Variants in CFAP251 observed in about 807,000 individuals in gnomAD.
CFAP251 encodes the protein cilia and flagella associated protein 251, also known as cilia- and flagella-associated protein 251.
In CFAP251, 93 loss-of-function variants were observed where a neutral mutation model predicts 126.7. The observed-to-expected ratio is 0.73, with a 90% CI of 0.62 to 0.87. CFAP251 has a LOEUF of 0.87. CFAP251 is among the 40% of genes least tolerant of loss of function. The probability of loss-of-function intolerance (pLI) is 0.00; values close to 1 mark genes in which losing one functional copy is unlikely to be tolerated. For synonymous variants in CFAP251, 503 were observed against 506.9 expected (o/e 0.99, Z 0.10); for missense variants, 1,287 against 1,389.2 (o/e 0.93, Z 1.17).
chr12:121,924,624 A>AT (rs1427676327), intron 3 of CFAP251, among the ~76,000 whole-genome samples: 1 of 147,942 alleles, frequency 6.8e-6, no homozygotes, highest in Non-Finnish European at 1.5e-5. Context: ...TAGAGATGGG[A>AT]TTTCACCATG....
rs1179341085 is a variant in CFAP251, at chr12:121,993,579, C to T, written c.3007-6137C>T. Among the ~76,000 whole-genome samples the T allele has an allele frequency of 9.8e-5, 14 of 142,148 alleles. No individual in the cohort carries two copies. In the East Asian group the frequency reaches 2.9e-3, roughly 30 times the overall value. The allele number at this position is 142,148 out of a possible 152,430, so 93.3% of individuals were successfully genotyped here. On this transcript the variant is annotated intron_variant, in intron 19 of 21. Transcript: ENST00000288912. ...GAAGTGAGGAGCGTCTCTGCCCGGCCGCCCATCGTCTGAGATGTGGGGAGC... is the reference window on the plus strand; with the variant it reads ...GAAGTGAGGAGCGTCTCTGCCCGGCTGCCCATCGTCTGAGATGTGGGGAGC...
intron 19 of CFAP251, among the ~76,000 whole-genome samples, chr12:121,977,532 C>T (rs528483505): frequency 1.3e-4 from 20 of 152,126 alleles, no homozygotes; most frequent in South Asian, 8.3e-4. Flanking sequence ...TGGTGGCGCA[C>T]GCCTGTAGTC....
chr12:121,920,189 GAAA>G (rs1166354917), intron 1 of CFAP251, among the ~76,000 whole-genome samples: 2 of 62,642 alleles, frequency 3.2e-5, no homozygotes, highest in Admixed American at 1.7e-4. Flanking sequence ...TGTCTCAAGA[GAAA>G]AAAAAAAAAA....
rs1882257778 is a variant in CFAP251 at position 121,969,345 on chromosome 12, G to C, written c.2771+1176G>C. ...AGAGAGCAGATCTTGGGAACTTGAG[G>C]ATTTAGGAGCTGGAGGTGAACTCTC... is the stretch of plus-strand genomic sequence containing the variant. On this transcript the variant is annotated intron_variant, in intron 17 of 21. Transcript: ENST00000288912. 5 of 985,304 alleles carry C rather than the reference G, an allele frequency of 5.1e-6. No individual in the cohort carries two copies. In the Admixed American group the frequency reaches 3.1e-4, roughly 61 times the overall value. 61.0% of individuals were successfully genotyped at this position (985,304 alleles called of 1,614,324 possible).
At chr12:121,957,342 G>A in intron 11 of CFAP251, 74 bp downstream of exon 11, 1 of 1,418,080 alleles carries the variant, frequency 7.1e-7, no homozygotes. Context: ...GCATACAGTG[G>A]GAGGTTCGTG....
At chr12:121,942,831 G>C in intron 6 of CFAP251, 64 bp from the exon 7 acceptor site, 1 of 1,567,296 alleles carries the variant, frequency 6.4e-7, no homozygotes, top group South Asian at 1.1e-5. Flanking sequence ...ACCACAAGAG[G>C]TGTAAGTTAC....
At chr12:121,956,995 C>A in intron 10 of CFAP251, 79 bp from the exon 11 acceptor site, 1 of 1,143,012 alleles carries the variant, frequency 8.7e-7, no homozygotes, top group South Asian at 2.0e-5. Flanking sequence ...AATCCAGAGC[C>A]TGACATATAA....
chr12:121,964,833 A>C (rs1024566532), intron 15 of CFAP251, among the ~76,000 whole-genome samples: 3 of 152,122 alleles, frequency 2.0e-5, no homozygotes, highest in African/African-American at 7.2e-5. Context: ...CGGGAGGTGG[A>C]AGTTGCAGTG....
At chr12:121,991,222 C>G (rs567251701) in intron 19 of CFAP251, among the ~76,000 whole-genome samples, 40 of 152,304 alleles carry the variant, frequency 2.6e-4, no homozygotes, top group Admixed American at 9.8e-4. Flanking sequence ...CTCTGAGCCT[C>G]TATAATGTGC....
intron 18 of CFAP251, 53 bp downstream of exon 18, chr12:121,975,387 A>G (rs1882432337): frequency 6.3e-7 from 1 of 1,586,822 alleles, no homozygotes; most frequent in Admixed American, 1.7e-5. Flanking sequence ...AAGTTTGTAA[A>G]GCAAATGTGC....
chr12:121,958,486 G>A lies in CFAP251; in HGVS notation c.1945G>A (p.Gly649Arg), dbSNP rs1335233460. 1 of 1,614,184 alleles carries A rather than the reference G, an allele frequency of 6.2e-7. No individual in the cohort carries two copies. Among genetic ancestry groups the A allele is most frequent in the Admixed American group, 1.7e-5 (1 of 60,024 alleles). ...QYLFSRVFEK[G>R]LGVQSLTYNP... is the part of the protein sequence containing the mutation. ...TCTTTTCAGCAGGGTTTTTGAGAAG[G>A]GGCTTGGAGTCCAGAGTCTGACCTA... Residue 649 changes from glycine to arginine, a missense_variant, in exon 12 of 22, where the codon GGG (glycine) becomes AGG (arginine). Coordinates refer to ENST00000288912, the MANE Select transcript of CFAP251 (RefSeq NM_144668.6).
chr12:121,952,460 G>A (rs1488392664), intron 9 of CFAP251, among the ~76,000 whole-genome samples: 1 of 151,672 alleles, frequency 6.6e-6, no homozygotes, highest in Non-Finnish European at 1.5e-5. Context: ...AAGTAAAGTC[G>A]TTGAACATGA....
At chr12:121,957,636 G>A (rs1042869518) in intron 11 of CFAP251, among the ~76,000 whole-genome samples, 2 of 150,964 alleles carry the variant, frequency 1.3e-5, no homozygotes, top group African/African-American at 4.9e-5. Context: ...CCCGGGAGAC[G>A]GAGCTTGCAG....
At chr12:121,986,963 G>A (rs943380664) in intron 19 of CFAP251, among the ~76,000 whole-genome samples, 6 of 152,054 alleles carry the variant, frequency 3.9e-5, no homozygotes, top group African/African-American at 1.2e-4. Context: ...GAACAAAAAC[G>A]AGAAAGATAA....
chr12:121,956,144 G>A (rs1881719200), intron 10 of CFAP251, among the ~76,000 whole-genome samples: 2 of 152,196 alleles, frequency 1.3e-5, no homozygotes, highest in Non-Finnish European at 2.9e-5. Flanking sequence ...TTGTCACGTG[G>A]CACTGCCTTC....
At chr12:121,953,680 T>C (rs2135777032) in intron 9 of CFAP251, 1 of 164,168 alleles carries the variant, frequency 6.1e-6, no homozygotes, top group Non-Finnish European at 1.3e-5. Context: ...AATAGGGCAT[T>C]TCTATGTACA....
intron 21 of CFAP251, 42 bp downstream of exon 21, chr12:122,001,640 C>G (rs772132449): frequency 6.6e-6 from 10 of 1,513,714 alleles, no homozygotes; most frequent in South Asian, 1.1e-5. Flanking sequence ...CTGTGGCTCA[C>G]TGATTTGTTG....
chr12:121,995,705 C>CA (rs1463035282), intron 19 of CFAP251, among the ~76,000 whole-genome samples: 1 of 152,038 alleles, frequency 6.6e-6, no homozygotes, highest in East Asian at 1.9e-4. Flanking sequence ...AGGCTGGTCT[C>CA]AAACTCCTGA....
intron 10 of CFAP251, 112 bp downstream of exon 10, chr12:121,954,446 G>A: frequency 1.0e-6 from 1 of 984,188 alleles, no homozygotes; most frequent in African/African-American, 1.6e-5. Context: ...TCTTTGGGAG[G>A]CTGAGGTGGG....
Sources: allele counts gnomAD v4.1 joint callset (sites outside exome capture counted in the v4.1 genomes callset), GRCh38; gene constraint gnomAD v4.1.1; transcripts MANE v1.5; gene names NCBI Gene and HGNC (gene_info 2026-07-23, HGNC 2026-07-21).